KLF12: variants seen among roughly 807,000 people sequenced by gnomAD.
KLF12 encodes the protein KLF transcription factor 12, also known as Krueppel-like factor 12.
Under a neutral mutation model 37.8 loss-of-function variants are expected in KLF12, and 9 were observed. The observed-to-expected ratio is 0.24, with a 90% CI of 0.14 to 0.42. The LOEUF is 0.42. Among genes scored for constraint, KLF12 ranks in the 10% least tolerant of loss-of-function variants. KLF12 has a pLI of 1.00. For missense variants in KLF12, 411 were observed against 516.0 expected (o/e 0.80, Z 1.97); for synonymous variants, 208 against 202.1 (o/e 1.03, Z -0.25).
At chr13:74,134,508 G>C (rs1294021432), upstream of KLF12, among the ~76,000 whole-genome samples, 2 of 151,386 alleles carry the variant, frequency 1.3e-5, no homozygotes, top group African/African-American at 4.9e-5. Flanking sequence ...CCGCCGGGCT[G>C]GGTCCGCGGC....
chr13:74,172,734 A>G, the KLF12 span, among the ~76,000 whole-genome samples: 1 of 152,204 alleles, frequency 6.6e-6, no homozygotes, highest in Non-Finnish European at 1.5e-5. Context: ...ACCACAGGCA[A>G]TTGGAATGAG....
the KLF12 span, among the ~76,000 whole-genome samples, chr13:74,267,010 C>G: frequency 2.0e-5 from 3 of 152,140 alleles, no homozygotes; most frequent in African/African-American, 7.2e-5. Context: ...TATCAAGAGT[C>G]TCTTAAGGTT....
chr13:73,853,786 T>C (rs1470962948), intron 3 of KLF12, among the ~76,000 whole-genome samples: 1 of 150,438 alleles, frequency 6.6e-6, no homozygotes, highest in Non-Finnish European at 1.5e-5. Flanking sequence ...ACTGAAAACA[T>C]GGACAAACAT....
upstream of KLF12, among the ~76,000 whole-genome samples, chr13:74,135,516 G>A (rs1566230177): frequency 6.6e-6 from 1 of 151,640 alleles, no homozygotes; most frequent in Non-Finnish European, 1.5e-5. Flanking sequence ...TGCAGTTCCC[G>A]CGGCGGCTCG....
At chr13:74,215,427 C>CTTTTTTTTTTTTT in the KLF12 span, among the ~76,000 whole-genome samples, 1 of 60,380 alleles carries the variant, frequency 1.7e-5, no homozygotes. Context: ...CCTCTGGGTT[C>CTTTTTTTTTTTTT]TTTTTTTTTT....
chr13:74,013,774 C>A (rs1264469560), intron 1 of KLF12, among the ~76,000 whole-genome samples: 2 of 151,852 alleles, frequency 1.3e-5, no homozygotes, highest in Non-Finnish European at 2.9e-5. Context: ...TATATTATGA[C>A]TATAGTTCAA....
chr13:73,965,363 T>A (rs1157364428), intron 2 of KLF12, among the ~76,000 whole-genome samples: 1 of 152,200 alleles, frequency 6.6e-6, no homozygotes, highest in Non-Finnish European at 1.5e-5. Flanking sequence ...ATAAGAAATA[T>A]TTTATTCTAA....
At chr13:74,095,952 C>T (rs1875958928) in intron 1 of KLF12, among the ~76,000 whole-genome samples, 1 of 152,142 alleles carries the variant, frequency 6.6e-6, no homozygotes, top group Admixed American at 6.5e-5. Flanking sequence ...ATATCTCTCA[C>T]CCCTTTGTAG....
At chr13:74,253,596 C>A in the KLF12 span, among the ~76,000 whole-genome samples, 1 of 152,158 alleles carries the variant, frequency 6.6e-6, no homozygotes, top group South Asian at 2.1e-4. Context: ...ATGTTGAATG[C>A]TCTGTCCTAC....
At chr13:73,867,878 G>C (rs866281414) in intron 3 of KLF12, among the ~76,000 whole-genome samples, 1 of 151,882 alleles carries the variant, frequency 6.6e-6, no homozygotes, top group Non-Finnish European at 1.5e-5. Context: ...AAAATTAGTC[G>C]GGCATGGTGG....
chr13:74,051,006 G>A (rs536291995), intron 1 of KLF12, among the ~76,000 whole-genome samples: 23 of 152,298 alleles, frequency 1.5e-4, no homozygotes, highest in South Asian at 6.2e-4. Flanking sequence ...ACAGCTGTTA[G>A]AATGGCCATT....
the KLF12 span, among the ~76,000 whole-genome samples, chr13:74,152,434 C>T: frequency 6.6e-6 from 1 of 152,130 alleles, no homozygotes; most frequent in Admixed American, 6.5e-5. Context: ...ACCATATTTG[C>T]ATAATTGTAT....
intron 5 of KLF12, among the ~76,000 whole-genome samples, chr13:73,771,305 C>T (rs768963430): frequency 2.0e-5 from 3 of 152,202 alleles, no homozygotes; most frequent in Non-Finnish European, 4.4e-5. Context: ...ATCTCCAGTA[C>T]CTGGTACTAA....
chr13:73,911,689 C>T (rs888684962), intron 3 of KLF12, among the ~76,000 whole-genome samples: 1 of 151,946 alleles, frequency 6.6e-6, no homozygotes, highest in African/African-American at 2.4e-5. Flanking sequence ...TTGAAGAGTA[C>T]CTAGAATGTA....
chr13:74,298,596 G>C, the KLF12 span, among the ~76,000 whole-genome samples: 1 of 152,124 alleles, frequency 6.6e-6, no homozygotes, highest in South Asian at 2.1e-4. Context: ...AAAAAGAAGA[G>C]AGGCTAAAAT....
chr13:74,248,096 G>A, the KLF12 span, among the ~76,000 whole-genome samples: 126 of 152,298 alleles, frequency 8.3e-4, no homozygotes, highest in African/African-American at 2.7e-3. Flanking sequence ...TTTATATTGG[G>A]GAGGAGAGCT....
intron 4 of KLF12, among the ~76,000 whole-genome samples, chr13:73,814,681 C>G (rs1883122502): frequency 6.6e-6 from 1 of 152,048 alleles, no homozygotes; most frequent in African/African-American, 2.4e-5. Flanking sequence ...AAGTAATGGT[C>G]CTCAACCAAG....
At chr13:73,848,063 T>C (rs1316886272) in intron 3 of KLF12, among the ~76,000 whole-genome samples, 1 of 152,204 alleles carries the variant, frequency 6.6e-6, no homozygotes, top group African/African-American at 2.4e-5. Flanking sequence ...AAGCACATAT[T>C]ATTAAACACC....
At chr13:74,248,536 G>T in the KLF12 span, among the ~76,000 whole-genome samples, 1 of 152,120 alleles carries the variant, frequency 6.6e-6, no homozygotes, top group Non-Finnish European at 1.5e-5. Context: ...ATGCTTAATC[G>T]TATGTGTATA....
Sources: gnomAD v4.1 joint callset for allele counts (sites outside exome capture counted in the v4.1 genomes callset) on GRCh38, gnomAD v4.1.1 for gene constraint, MANE v1.5 for transcripts, NCBI Gene and HGNC (gene_info 2026-07-23, HGNC 2026-07-21) for gene names.